Variants in PI4KA observed in about 807,000 individuals in gnomAD.
The protein encoded by PI4KA is PI4-kinase alpha.
PI4KA carries 122 observed loss-of-function variants against 271.4 expected under a neutral mutation model. That is an observed-to-expected ratio of 0.45 (90% CI 0.39 to 0.52). PI4KA has a LOEUF of 0.52. Among genes scored for constraint, PI4KA ranks in the 20% least tolerant of loss-of-function variants. The probability of loss-of-function intolerance (pLI) is 0.00; values close to 1 mark genes in which losing one functional copy is unlikely to be tolerated. For missense variants in PI4KA, 1,969 were observed against 2,769.1 expected, an observed-to-expected ratio of 0.71 and a Z score of 6.48; for synonymous variants, 1,041 against 1,078.8, an observed-to-expected ratio of 0.96 and a Z score of 0.69.
At chr22:20,812,547 T>TG (rs1311485263) in intron 8 of PI4KA, among the ~76,000 whole-genome samples, 1 of 152,044 alleles carries the variant, frequency 6.6e-6, no homozygotes, top group East Asian at 1.9e-4. Flanking sequence ...TCAGGGCCCC[T>TG]GGATCTTTAT....
intron 5 of PI4KA, 118 bp downstream of exon 5, chr22:20,820,421 T>C (rs1922489039): frequency 2.9e-6 from 2 of 692,636 alleles, no homozygotes; most frequent in Admixed American, 2.8e-5. Flanking sequence ...CAAACTAAAA[T>C]AGGAAGGTTT....
intron 6 of PI4KA, among the ~76,000 whole-genome samples, chr22:20,818,911 A>C (rs1375551086): frequency 2.0e-5 from 3 of 152,202 alleles, no homozygotes; most frequent in African/African-American, 7.2e-5. Flanking sequence ...TGACTATGAA[A>C]TCACTTATAA....
intron 19 of PI4KA, among the ~76,000 whole-genome samples, chr22:20,791,516 G>A (rs887617914): frequency 6.6e-5 from 10 of 152,190 alleles, no homozygotes; most frequent in Non-Finnish European, 1.2e-4. Flanking sequence ...AGCACTAAGG[G>A]AGGCTGAAGT....
intron 42 of PI4KA, among the ~76,000 whole-genome samples, chr22:20,723,374 G>C (rs563340321): frequency 2.7e-4 from 41 of 151,826 alleles, no homozygotes; most frequent in Non-Finnish European, 4.1e-4. Flanking sequence ...CATTTGTATT[G>C]CCATAGTGAT....
At chr22:20,828,297 T>C (rs1019484158) in intron 3 of PI4KA, among the ~76,000 whole-genome samples, 1 of 152,170 alleles carries the variant, frequency 6.6e-6, no homozygotes, top group South Asian at 2.1e-4. Flanking sequence ...ATATAATCTA[T>C]GAAAAGAGAT....
rs534050011 is a variant in PI4KA, at chr22:20,786,720, G to A, written c.2328+6473C>T. On this transcript the variant is annotated intron_variant, in intron 19 of 54. Coordinates refer to ENST00000255882, the MANE Select transcript of PI4KA (RefSeq NM_058004.4). ...GTGCAACGGCTGCCCCTGACAGGTG[G>A]TGACAGATATTTTCAAGAGTGACTC... Among the ~76,000 whole-genome samples, 20 of 152,284 alleles carry A rather than the reference G, an allele frequency of 1.3e-4. No homozygotes were observed. In the South Asian group the frequency reaches 3.7e-3, roughly 28 times the overall value.
At chr22:20,721,464 T>C (rs1438476665) in intron 42 of PI4KA, 46 bp from the exon 43 acceptor site, 6 of 1,606,394 alleles carry the variant, frequency 3.7e-6, no homozygotes, top group Non-Finnish European at 5.1e-6. Context: ...GCCCTCTCCA[T>C]GAGGAGGGCC....
At chr22:20,730,220 A>C (rs964086251) in intron 36 of PI4KA, among the ~76,000 whole-genome samples, 2 of 151,966 alleles carry the variant, frequency 1.3e-5, no homozygotes, top group Admixed American at 1.3e-4. Context: ...TCTAGATGGA[A>C]TGTTTAAACA....
intron 3 of PI4KA, among the ~76,000 whole-genome samples, chr22:20,826,827 A>G (rs780577189): frequency 2.6e-5 from 4 of 151,932 alleles, no homozygotes; most frequent in Non-Finnish European, 5.9e-5. Flanking sequence ...CATATTTTTC[A>G]TATATTTTTG....
chr22:20,738,643 G>A (rs1405659326), intron 32 of PI4KA, among the ~76,000 whole-genome samples: 1 of 152,118 alleles, frequency 6.6e-6, no homozygotes, highest in African/African-American at 2.4e-5. Context: ...TGCCAGGTGT[G>A]AGTGTGAGTG....
chr22:20,769,170 A>C (rs1815900651), intron 19 of PI4KA, among the ~76,000 whole-genome samples: 1 of 152,192 alleles, frequency 6.6e-6, no homozygotes, highest in Admixed American at 6.5e-5. Context: ...TGGTTTTGAC[A>C]CAGAAAAGAG....
At chr22:20,770,232 GC>G (rs1932807323) in intron 19 of PI4KA, among the ~76,000 whole-genome samples, 1 of 151,066 alleles carries the variant, frequency 6.6e-6, no homozygotes, top group South Asian at 2.1e-4. Context: ...GGTTTTGCTA[GC>G]CGGGAGCAGT....
chr22:20,725,500 G>A (rs150361733), intron 42 of PI4KA: 135 of 445,758 alleles, frequency 3.0e-4, no homozygotes, highest in African/African-American at 2.5e-3. Flanking sequence ...CAATAGGGTG[G>A]GTCCTAATCT....
intron 42 of PI4KA, 75 bp downstream of exon 42, chr22:20,726,413 G>A: frequency 7.5e-7 from 1 of 1,338,134 alleles, no homozygotes; most frequent in Non-Finnish European, 9.9e-7. Flanking sequence ...GTGAGGGCTG[G>A]GGACAGACCG....
intron 24 of PI4KA, 31 bp downstream of exon 24, chr22:20,753,075 GCAGA>G: frequency 6.2e-7 from 1 of 1,614,168 alleles, no homozygotes; most frequent in Non-Finnish European, 8.5e-7. Flanking sequence ...GATGCCTCCA[GCAGA>G]CAGACACGCA....
rs567542786 is a variant in PI4KA, at chr22:20,767,209, G to A, written c.2329-1516C>T. On this transcript the variant is annotated intron_variant, in intron 19 of 54. Transcript: ENST00000255882. ...TGTAATCCCAGCACTTTGGGAGGCC[G>A]AGGCAGGTGGATCACGAGGTCAGGA... 2.6e-4 allele frequency among the ~76,000 whole-genome samples: 40 copies of A among 152,290 alleles called. No homozygotes were observed. In the East Asian group the frequency reaches 7.2e-3, roughly 27 times the overall value.
At chr22:20,759,320 A>AGG in intron 23 of PI4KA, among the ~76,000 whole-genome samples, 1 of 152,296 alleles carries the variant, frequency 6.6e-6, no homozygotes, top group Middle Eastern at 3.4e-3. Flanking sequence ...TTGGGATTAC[A>AGG]GGCGTAAGCC....
At chr22:20,779,596 T>A in intron 19 of PI4KA, 2 of 1,614,152 alleles carry the variant, frequency 1.2e-6, no homozygotes, top group South Asian at 1.1e-5. Flanking sequence ...TACATCGACA[T>A]CGTCGACAGT....
rs1484849117 is a variant in PI4KA, at chr22:20,712,782, G to A, written c.5587C>T (p.Gln1863Ter). Residue 1863 changes from glutamine to a stop codon, truncating the protein, a stop_gained, in exon 49 of 55, where the codon CAG becomes TAG. Transcript: ENST00000255882. LOFTEE classifies it high-confidence loss of function. ...DDCRQDMLAL[Q>*]IIDLFKNIFQ... ...ATGTTCTTGAAGAGGTCGATGATCT[G>A]CAGGGCCAGCATGTCCTGGGAAGCC... 6.5e-7 allele frequency: 1 copy of A among 1,549,840 alleles called. No homozygotes were observed. Among genetic ancestry groups the A allele is most frequent in the Non-Finnish European group, 8.7e-7 (1 of 1,146,992 alleles).
Sources: allele counts gnomAD v4.1 joint callset (sites outside exome capture counted in the v4.1 genomes callset), GRCh38; gene constraint gnomAD v4.1.1; transcripts MANE v1.5; gene names NCBI Gene and HGNC (gene_info 2026-07-23, HGNC 2026-07-21).